NGFR: variants seen among roughly 807,000 people sequenced by gnomAD.
The protein encoded by NGFR is tumor necrosis factor receptor superfamily member 16.
In NGFR, 30 loss-of-function variants were observed where a neutral mutation model predicts 43.2. That is an observed-to-expected ratio of 0.69 (90% confidence interval 0.52 to 0.94). NGFR has a LOEUF of 0.94. NGFR is among the 40% of genes least tolerant of loss of function. The probability of loss-of-function intolerance (pLI) is 0.00; values close to 1 mark genes in which losing one functional copy is unlikely to be tolerated. For missense variants in NGFR, 529 were observed against 602.5 expected, an observed-to-expected ratio of 0.88 and a Z score of 1.28; for synonymous variants, 246 against 259.6, an observed-to-expected ratio of 0.95 and a Z score of 0.50.
At chr17:49,504,595 C>G (rs990023302) in intron 2 of NGFR, among the ~76,000 whole-genome samples, 4 of 152,080 alleles carry the variant, frequency 2.6e-5, no homozygotes, top group Admixed American at 6.5e-5. Flanking sequence ...GTAAAACACC[C>G]AAAGTCACAC....
intron 2 of NGFR, among the ~76,000 whole-genome samples, chr17:49,504,619 T>C (rs2071185278): frequency 6.6e-6 from 1 of 152,142 alleles, no homozygotes; most frequent in African/African-American, 2.4e-5. Context: ...TTATAAGCGA[T>C]GGAAATGGAT....
At chr17:49,500,749 T>C (rs2071162899) in intron 1 of NGFR, among the ~76,000 whole-genome samples, 1 of 152,186 alleles carries the variant, frequency 6.6e-6, no homozygotes, top group African/African-American at 2.4e-5. Context: ...AGGTTCCACC[T>C]CCTCTGTTGC....
chr17:49,497,978 GCCTTGCACTT>G (rs2071148647), intron 1 of NGFR, among the ~76,000 whole-genome samples: 5 of 152,338 alleles, frequency 3.3e-5, no homozygotes, highest in Middle Eastern at 3.4e-3. Flanking sequence ...CCTACTAAGT[GCCTTGCACTT>G]CCCTGGTAGT....
chr17:49,506,335 C>A lies in NGFR; in HGVS notation c.245C>A (p.Pro82Gln). ...TFSDVVSATE[P>Q]CKPCTECVGL... is the part of the protein sequence containing the mutation. The stretch of plus-strand genomic sequence containing the variant: ...TCCGACGTGGTGAGCGCGACCGAGC[C>A]GTGCAAGCCGTGCACCGAGTGCGTG... Residue 82 changes from proline (P) to glutamine (Q), a missense_variant, in exon 3 of 6, where the codon CCG (proline) becomes CAG (glutamine). Transcript: ENST00000172229. 1 of 1,579,888 alleles carries A rather than the reference C, an allele frequency of 6.3e-7. No homozygotes were observed.
chr17:49,512,395 GC>G lies in NGFR; in HGVS notation c.983-310del, dbSNP rs1362263096. On this transcript the variant is annotated intron_variant, in intron 5 of 5. Coordinates refer to ENST00000172229, the MANE Select transcript of NGFR (RefSeq NM_002507.4). This position sits in a 1 kb window ranked among gnomAD's most constrained non-coding sequence, Gnocchi z 5.2. ...TGTGTACCCTAATTAGTGGCCCATA[GC>G]CCAGCTCCGGGACACTTGCTGTAGT... Among the ~76,000 whole-genome samples the G allele has an allele frequency of 1.1e-4, 16 of 152,218 alleles. No homozygotes were observed. Among genetic ancestry groups the G allele is most frequent in the Non-Finnish European group, 1.0e-4 (7 of 68,042 alleles).
intron 2 of NGFR, 73 bp from the exon 3 acceptor site, chr17:49,506,219 AGGGGAGG>A (rs2071195898): frequency 1.3e-5 from 19 of 1,494,948 alleles, no homozygotes; most frequent in Non-Finnish European, 1.7e-5. Context: ...GGCAGGCAAT[AGGGGAGG>A]GAGAGACTCC....
At chr17:49,501,999 A>AAGGCCCCCCCC in intron 1 of NGFR, 64 bp from the exon 2 acceptor site, 2 of 330,978 alleles carry the variant, frequency 6.0e-6, no homozygotes, top group Non-Finnish European at 1.2e-5. Context: ...TCCCCGGAAG[A>AAGGCCCCCCCC]ACCCCCCCCA....
At position 49,511,972 on chromosome 17, in the gene NGFR, T is replaced by C. The variant is rs536551654; in HGVS notation, c.902T>C (p.Leu301Pro). ...NQTPPPEGEK[L>P]HSDSGISVDS... ...ACGCCCCCACCAGAGGGAGAAAAAC[T>C]CCACAGCGACAGTGGCATCTCCGTG... The change falls in exon 5 of 6, where the codon CTC becomes CCC. Residue 301 changes from leucine (L) to proline (P), a missense_variant. Transcript: ENST00000172229. 1.2e-6 allele frequency: 2 copies of C among 1,613,376 alleles called. No homozygotes were observed. The highest frequency in any genetic ancestry group is 1.7e-6 in the Non-Finnish European group (2 of 1,179,814).
In NGFR at chr17:49,513,275, C is replaced by G; in HGVS notation, c.*266C>G. 1 of 481,336 alleles carries G rather than the reference C, an allele frequency of 2.1e-6. No homozygotes were observed. The highest frequency in any genetic ancestry group is 3.7e-6 in the Non-Finnish European group (1 of 272,832). 29.8% of individuals were successfully genotyped at this position (481,336 alleles called of 1,614,324 possible). On this transcript the variant is annotated 3_prime_UTR_variant, in exon 6 of 6. Coordinates refer to ENST00000172229, the MANE Select transcript of NGFR (RefSeq NM_002507.4). ...CCCTGCCCCTGCCCCGTCACCATCTCAGGCCACCTGCCCCCTTCTCCCACA... is the reference window on the plus strand; with the variant it reads ...CCCTGCCCCTGCCCCGTCACCATCTGAGGCCACCTGCCCCCTTCTCCCACA...
At position 49,495,335 on chromosome 17, in the gene NGFR, C is replaced by G. The variant is rs2071131746; in HGVS notation, c.-83C>G. ...GGCCAGCTCCGGCGGGCAGGGGGGG[C>G]GCTGGAGCGCAGCGCAGCGCAGCCC... On this transcript the variant is annotated 5_prime_UTR_variant, in exon 1 of 6. Transcript: ENST00000172229. The surrounding 1 kb of genome is among the most constrained non-coding windows in gnomAD (Gnocchi z 6.4). 9.2e-7 allele frequency: 1 copy of G among 1,090,538 alleles called. No homozygotes were observed. The highest frequency in any genetic ancestry group is 1.2e-6 in the Non-Finnish European group (1 of 860,530). 67.6% of individuals were successfully genotyped at this position (1,090,538 alleles called of 1,614,324 possible).
intron 1 of NGFR, 64 bp from the exon 2 acceptor site, chr17:49,501,999 A>ATGGGGCCCCCCCCCCCCCCCCCCCAC: frequency 3.0e-6 from 1 of 330,984 alleles, no homozygotes; most frequent in Non-Finnish European, 5.9e-6. Flanking sequence ...TCCCCGGAAG[A>ATGGGGCCCCCCCCCCCCCCCCCCCAC]ACCCCCCCCA....
chr17:49,513,629 C>T lies in NGFR; in HGVS notation c.*620C>T, dbSNP rs2071249926. The stretch of plus-strand genomic sequence containing the variant: ...AGGCCCAGGGAGAGGCCATGATTCG[C>T]CCAAAGCCAGACAGCAACGGGGAGG... On this transcript the variant is annotated 3_prime_UTR_variant, in exon 6 of 6. Transcript: ENST00000172229. The T allele has an allele frequency of 6.6e-6, 1 of 152,394 alleles. No individual in the cohort carries two copies. The highest frequency in any genetic ancestry group is 1.5e-5 in the Non-Finnish European group (1 of 68,174). 9.4% of individuals were successfully genotyped at this position (152,394 alleles called of 1,614,324 possible).
At chr17:49,501,999 A>ATGGGCGCC in intron 1 of NGFR, 64 bp from the exon 2 acceptor site, 1 of 330,984 alleles carries the variant, frequency 3.0e-6, no homozygotes, top group Non-Finnish European at 5.9e-6. Flanking sequence ...TCCCCGGAAG[A>ATGGGCGCC]ACCCCCCCCA....
chr17:49,501,999 A>AGGCCCCCCCCCCCCCC, intron 1 of NGFR, 64 bp from the exon 2 acceptor site: 2 of 330,982 alleles, frequency 6.0e-6, no homozygotes, highest in Non-Finnish European at 1.2e-5. Context: ...TCCCCGGAAG[A>AGGCCCCCCCCCCCCCC]ACCCCCCCCA....
chr17:49,497,730 A>G (rs1015478238), intron 1 of NGFR: 1 of 152,280 alleles, frequency 6.6e-6, no homozygotes, highest in African/African-American at 2.4e-5. Context: ...GCACTTTGTC[A>G]TTCAGACGTC....
At position 49,513,088 on chromosome 17, in the gene NGFR, C is replaced by T; in HGVS notation, c.*79C>T. ...CCAACCCCTGTGGAGCCCGCACCCC[C>T]ACCCTTTGGGGGGGGCCCGCCTGGC... On this transcript the variant is annotated 3_prime_UTR_variant, in exon 6 of 6. Transcript: ENST00000172229. 1.4e-6 allele frequency: 2 copies of T among 1,408,248 alleles called. No homozygotes were observed. Among genetic ancestry groups the T allele is most frequent in the East Asian group, 2.5e-5 (1 of 39,808 alleles). The allele number at this position is 1,408,248 out of a possible 1,614,324, so 87.2% of individuals were successfully genotyped here.
At chr17:49,508,146 C>G (rs1047445158) in intron 3 of NGFR, among the ~76,000 whole-genome samples, 1 of 152,224 alleles carries the variant, frequency 6.6e-6, no homozygotes, top group African/African-American at 2.4e-5. Context: ...GGCCAGGAGA[C>G]AGGCAAGTGG....
Position 49,512,590 on chromosome 17 carries a change from C to T in NGFR, c.983-118C>T. ...CCCCACCCAGGACCTTGTCTTGGCC[C>T]CAGGCCTCCAGATGGGGAGGAGCAC... On this transcript the variant is annotated intron_variant, in intron 5 of 5. Coordinates refer to ENST00000172229, the MANE Select transcript of NGFR (RefSeq NM_002507.4). This position sits in a 1 kb window ranked among gnomAD's most constrained non-coding sequence, Gnocchi z 5.2. 1 of 1,334,282 alleles carries T rather than the reference C, an allele frequency of 7.5e-7. No homozygotes were observed. Among genetic ancestry groups the T allele is most frequent in the Non-Finnish European group, 1.0e-6 (1 of 975,444 alleles). 82.7% of individuals were successfully genotyped at this position (1,334,282 alleles called of 1,614,324 possible).
Position 49,506,597 on chromosome 17 carries a change from G to A in NGFR, c.507G>A (p.Val169=), listed in dbSNP as rs756776743. 6.2e-7 allele frequency: 1 copy of A among 1,607,658 alleles called. No homozygotes were observed. ...NHVDPCLPCT[V]CEDTERQLRE... is the part of the protein sequence containing the mutation. ...TGGACCCGTGCCTGCCCTGCACCGT[G>A]TGCGAGGACACCGAGCGCCAGCTCC... Residue 169 remains valine (V), a synonymous_variant, in exon 3 of 6, where the codon GTG becomes GTA. Transcript: ENST00000172229.
Sources: allele counts gnomAD v4.1 joint callset (sites outside exome capture counted in the v4.1 genomes callset), GRCh38; gene constraint gnomAD v4.1.1; non-coding constraint Gnocchi (gnomAD v3.1); transcripts MANE v1.5; gene names NCBI Gene and HGNC (gene_info 2026-07-23, HGNC 2026-07-21).